LARP1B: variants seen among roughly 807,000 people sequenced by gnomAD.
LARP1B encodes La ribonucleoprotein 1B.
Under a neutral mutation model 114.2 loss-of-function variants are expected in LARP1B, and 76 were observed. The ratio of observed to expected loss-of-function variants is 0.67; its 90% CI spans 0.55 to 0.81. The LOEUF (loss-of-function observed/expected upper bound fraction) is 0.81. Ranked by LOEUF, LARP1B falls within the 30% of genes least tolerant of loss-of-function variation. LARP1B has a pLI of 0.00. For synonymous variants in LARP1B, 345 were observed against 348.0 expected, an observed-to-expected ratio of 0.99 and a Z score of 0.10; for missense variants, 1,014 against 1,075.8, an observed-to-expected ratio of 0.94 and a Z score of 0.80.
intron 12 of LARP1B, among the ~76,000 whole-genome samples, chr4:128,170,212 T>C (rs1742975775): frequency 6.6e-6 from 1 of 152,208 alleles, no homozygotes. Context: ...ATTAATTTGT[T>C]AATTTCAAAT....
At chr4:128,200,757 A>G in intron 17 of LARP1B, 92 bp downstream of exon 17, 1 of 921,600 alleles carries the variant, frequency 1.1e-6, no homozygotes, top group Non-Finnish European at 1.6e-6. Context: ...GGGAGTTTTT[A>G]GAAAATAATT....
At chr4:128,130,408 G>T (rs1791187382) in intron 11 of LARP1B, among the ~76,000 whole-genome samples, 1 of 152,160 alleles carries the variant, frequency 6.6e-6, no homozygotes, top group South Asian at 2.1e-4. Context: ...CTTCACCAAA[G>T]AAGATAAACA....
At chr4:128,200,373 G>A (rs1396404525) in intron 16 of LARP1B, 148 bp from the exon 17 acceptor site, 2 of 509,524 alleles carry the variant, frequency 3.9e-6, no homozygotes, top group Non-Finnish European at 3.4e-6. Flanking sequence ...TGGCCTGGAG[G>A]TTGGAGATCC....
chr4:128,122,550 T>G (rs1349436118), intron 11 of LARP1B: 1 of 1,527,144 alleles, frequency 6.5e-7, no homozygotes, highest in East Asian at 2.4e-5. Context: ...CAGGCTTAAT[T>G]TATATGCTCA....
intron 10 of LARP1B, among the ~76,000 whole-genome samples, chr4:128,117,671 A>G (rs1786349968): frequency 6.6e-6 from 1 of 151,812 alleles, no homozygotes; most frequent in Non-Finnish European, 1.5e-5. Context: ...GGTGTGGCCC[A>G]CTGCACCTGG....
intron 15 of LARP1B, 98 bp downstream of exon 15, chr4:128,179,610 G>T (rs1158491432): frequency 2.5e-5 from 17 of 691,504 alleles, no homozygotes; most frequent in Non-Finnish European, 4.0e-5. Flanking sequence ...AAATTAATAT[G>T]TTAGCAAATT....
At chr4:128,082,922 T>C in intron 5 of LARP1B, among the ~76,000 whole-genome samples, 1 of 151,262 alleles carries the variant, frequency 6.6e-6, no homozygotes, top group Non-Finnish European at 1.5e-5. Context: ...GATAAACAAG[T>C]GAACAAAGGT....
At chr4:128,069,633 C>G in intron 1 of LARP1B, 1 of 632,622 alleles carries the variant, frequency 1.6e-6, no homozygotes, top group South Asian at 1.7e-5. Context: ...CTGATGGCTG[C>G]TGCTAGACAG....
At chr4:128,135,974 A>T (rs189057900) in intron 11 of LARP1B, among the ~76,000 whole-genome samples, 83 of 149,622 alleles carry the variant, frequency 5.5e-4, no homozygotes, top group African/African-American at 1.9e-3. Context: ...ATACCAAATT[A>T]AAAAAAAAAT....
chr4:128,066,208 G>C (rs1430815783), intron 1 of LARP1B, among the ~76,000 whole-genome samples: 5 of 119,638 alleles, frequency 4.2e-5, no homozygotes, highest in Non-Finnish European at 8.0e-5. Context: ...ACAGAGTCTC[G>C]CTCTGTCGCC....
At chr4:128,061,787 C>T in intron 1 of LARP1B, 2 of 984,904 alleles carry the variant, frequency 2.0e-6, no homozygotes, top group Non-Finnish European at 2.4e-6. Context: ...CGCGGCGAAC[C>T]GGCCGGCCGA....
intron 10 of LARP1B, among the ~76,000 whole-genome samples, chr4:128,119,846 G>A (rs1032232561): frequency 1.3e-5 from 2 of 151,938 alleles, no homozygotes; most frequent in Non-Finnish European, 2.9e-5. Context: ...TTTATTCTTT[G>A]CACTGTGTAT....
Position 128,210,204 on chromosome 4 carries a change from AG to A in LARP1B, c.*152del. 1 of 1,432,006 alleles carries A rather than the reference AG, an allele frequency of 7.0e-7. No homozygotes were observed. Among genetic ancestry groups the A allele is most frequent in the Non-Finnish European group, 9.1e-7 (1 of 1,095,598 alleles). 88.7% of individuals were successfully genotyped at this position (1,432,006 alleles called of 1,614,324 possible). A position where few individuals can be genotyped will look rare whatever the true frequency, so the allele number is the denominator to read the frequency against. Reference sequence around the variant, plus strand: ...TGTTTAATTGTGATAATAAGAAAGAAGAAAAAGAAAGAAAAGTGGTAGCATT... The same window carrying A: ...TGTTTAATTGTGATAATAAGAAAGAAAAAAAGAAAGAAAAGTGGTAGCATT... On this transcript the variant is annotated 3_prime_UTR_variant, in exon 20 of 20. Transcript: ENST00000326639.
chr4:128,121,300 ATCTG>A (rs1417876804), intron 10 of LARP1B, among the ~76,000 whole-genome samples: 2 of 152,160 alleles, frequency 1.3e-5, no homozygotes, highest in Non-Finnish European at 2.9e-5. Context: ...GATTCTATCT[ATCTG>A]TCTATCTATC....
intron 12 of LARP1B, among the ~76,000 whole-genome samples, chr4:128,162,603 T>A (rs1435804813): frequency 6.6e-6 from 1 of 152,120 alleles, no homozygotes; most frequent in Non-Finnish European, 1.5e-5. Context: ...CAAAATAAAA[T>A]TTTTCACTGA....
intron 11 of LARP1B, among the ~76,000 whole-genome samples, chr4:128,137,707 A>G (rs1053885116): frequency 6.6e-6 from 1 of 151,128 alleles, no homozygotes; most frequent in African/African-American, 2.4e-5. Context: ...ATTTCTTTGT[A>G]TTTGAATGGG....
chr4:128,104,578 G>A (rs1266916854), intron 8 of LARP1B, among the ~76,000 whole-genome samples: 1 of 151,986 alleles, frequency 6.6e-6, no homozygotes, highest in African/African-American at 2.4e-5. Context: ...CCGAGTAGCT[G>A]GGATTACAGG....
chr4:128,122,315 G>T, intron 11 of LARP1B, 127 bp downstream of exon 11: 1 of 1,490,848 alleles, frequency 6.7e-7, no homozygotes, highest in Non-Finnish European at 8.9e-7. Flanking sequence ...TATTTAACTT[G>T]AAAAATTCCT....
chr4:128,119,360 TC>T (rs1787134938), intron 10 of LARP1B, among the ~76,000 whole-genome samples: 3 of 152,126 alleles, frequency 2.0e-5, no homozygotes, highest in African/African-American at 7.2e-5. Flanking sequence ...TTTCTTTTCC[TC>T]CCCCCAGCTC....
Sources: gnomAD v4.1 joint callset for allele counts (sites outside exome capture counted in the v4.1 genomes callset) on GRCh38, gnomAD v4.1.1 for gene constraint, MANE v1.5 for transcripts, NCBI Gene and HGNC (gene_info 2026-07-23, HGNC 2026-07-21) for gene names.